Variants in CCL28 observed in about 807,000 individuals in gnomAD.
The protein encoded by CCL28 is C-C motif chemokine ligand 28.
Under a neutral mutation model 7.1 loss-of-function variants are expected in CCL28, and 4 were observed. That is an observed-to-expected ratio of 0.56 (90% CI 0.28 to 1.29). The LOEUF is 1.29. Ranked by LOEUF, CCL28 falls within the 50% of genes most tolerant of loss-of-function variation. The pLI, the probability that CCL28 is intolerant of heterozygous loss-of-function variation, is 0.11. For synonymous variants in CCL28, 55 were observed against 57.8 expected, an observed-to-expected ratio of 0.95 and a Z score of 0.22; for missense variants, 151 against 163.4, an observed-to-expected ratio of 0.92 and a Z score of 0.41.
the CCL28 span, among the ~76,000 whole-genome samples, chr5:43,370,573 C>G: frequency 6.6e-6 from 1 of 152,090 alleles, no homozygotes; most frequent in Non-Finnish European, 1.5e-5. Context: ...TCAAATGGAT[C>G]AGGATCTCCC....
At chr5:43,396,169 C>T (rs1740793461) in intron 1 of CCL28, among the ~76,000 whole-genome samples, 1 of 152,126 alleles carries the variant, frequency 6.6e-6, no homozygotes, top group African/African-American at 2.4e-5. Context: ...TGCGTCCAGC[C>T]CATGCCTCCC....
intron 1 of CCL28, among the ~76,000 whole-genome samples, chr5:43,408,787 T>G (rs563774497): frequency 3.3e-5 from 5 of 152,314 alleles, no homozygotes; most frequent in Admixed American, 2.0e-4. Flanking sequence ...TCTTTAAATT[T>G]TTATATTTGA....
At chr5:43,402,905 G>A (rs546255202) in intron 1 of CCL28, among the ~76,000 whole-genome samples, 7 of 152,316 alleles carry the variant, frequency 4.6e-5, no homozygotes, top group South Asian at 4.1e-4. Context: ...ACAGAGCCTC[G>A]CTCACTGCTA....
intron 1 of CCL28, among the ~76,000 whole-genome samples, chr5:43,394,212 CAT>C (rs1361182848): frequency 6.6e-6 from 1 of 152,204 alleles, no homozygotes; most frequent in African/African-American, 2.4e-5. Context: ...ATCAATTCCA[CAT>C]GTTTCAACTA....
the CCL28 span, among the ~76,000 whole-genome samples, chr5:43,371,415 G>T: frequency 1.3e-5 from 2 of 152,234 alleles, no homozygotes; most frequent in Non-Finnish European, 2.9e-5. Context: ...GATTTGGTCT[G>T]TATAACCTAC....
the CCL28 span, among the ~76,000 whole-genome samples, chr5:43,369,350 A>G: frequency 6.6e-6 from 1 of 152,128 alleles, no homozygotes. Flanking sequence ...AAACAAATTG[A>G]GAAAGTACAT....
At chr5:43,388,584 G>A in intron 1 of CCL28, 108 bp from the exon 2 acceptor site, 1 of 1,066,530 alleles carries the variant, frequency 9.4e-7, no homozygotes, top group Non-Finnish European at 1.3e-6. Flanking sequence ...CACAAACAAG[G>A]GGCAAACATG....
chr5:43,393,455 A>G lies in CCL28; in HGVS notation c.65-4979T>C, dbSNP rs1740667085. 1.3e-5 allele frequency among the ~76,000 whole-genome samples: 2 copies of G among 152,086 alleles called. 1 individual carries two copies. The highest frequency in any genetic ancestry group is 4.8e-5 in the African/African-American group (2 of 41,488). On this transcript the variant is annotated intron_variant, in intron 1 of 2. Transcript: ENST00000361115. ...CTGCAACCTCCACCTCCTGGGTTCA[A>G]GCGATTCTCCTGCCTCAGCCTCCCA...
chr5:43,377,717 C>CTTTTTT (rs767834184), downstream of CCL28, among the ~76,000 whole-genome samples: 4,054 of 42,656 alleles, frequency 0.095, 1,388 homozygotes, highest in African/African-American at 0.12. Flanking sequence ...AGAACTTAAA[C>CTTTTTT]TTTTTTTTTT....
intron 1 of CCL28, among the ~76,000 whole-genome samples, chr5:43,396,640 G>T (rs934190504): frequency 1.3e-5 from 2 of 152,088 alleles, no homozygotes; most frequent in African/African-American, 4.8e-5. Flanking sequence ...ATTATAATGG[G>T]TGGGGTACAG....
chr5:43,385,193 G>A (rs1271404300), intron 2 of CCL28, among the ~76,000 whole-genome samples: 1 of 152,128 alleles, frequency 6.6e-6, no homozygotes, highest in Non-Finnish European at 1.5e-5. Context: ...CACCGCGCCC[G>A]GCCATGATAA....
intron 1 of CCL28, among the ~76,000 whole-genome samples, chr5:43,393,721 T>C (rs1005596554): frequency 2.6e-5 from 4 of 152,228 alleles, no homozygotes; most frequent in African/African-American, 9.6e-5. Context: ...TACTTTTGGA[T>C]TGAGATAAAT....
chr5:43,371,508 CT>C, the CCL28 span, among the ~76,000 whole-genome samples: 2 of 152,212 alleles, frequency 1.3e-5, no homozygotes, highest in South Asian at 4.1e-4. Context: ...ATCACTTTCT[CT>C]GAGGGATTCA....
At chr5:43,376,069 T>G (rs920272182), downstream of CCL28, among the ~76,000 whole-genome samples, 1 of 152,204 alleles carries the variant, frequency 6.6e-6, no homozygotes, top group African/African-American at 2.4e-5. Context: ...ATTAAGTCAC[T>G]ATCACATGGA....
chr5:43,410,677 G>A (rs745514645), intron 1 of CCL28, among the ~76,000 whole-genome samples: 19 of 152,146 alleles, frequency 1.2e-4, no homozygotes, highest in Admixed American at 2.0e-4. Flanking sequence ...GAGAGCTGCC[G>A]CTGTGGGGAC....
intron 1 of CCL28, among the ~76,000 whole-genome samples, chr5:43,406,403 A>T (rs1189560859): frequency 7.9e-5 from 12 of 152,126 alleles, no homozygotes. Flanking sequence ...AAACCACATG[A>T]TTATCTCAAT....
chr5:43,400,537 C>CCT (rs35448641), intron 1 of CCL28, among the ~76,000 whole-genome samples: 17,884 of 152,042 alleles, frequency 0.12, 2,270 homozygotes, highest in African/African-American at 0.32. Flanking sequence ...TGAACAGCTT[C>CCT]CTCTTACTTG....
chr5:43,407,737 T>A (rs1384659269), intron 1 of CCL28, among the ~76,000 whole-genome samples: 1 of 152,132 alleles, frequency 6.6e-6, no homozygotes, highest in Non-Finnish European at 1.5e-5. Context: ...ATTTTTACAA[T>A]CTATCCATCT....
At chr5:43,359,325 G>C in the CCL28 span, among the ~76,000 whole-genome samples, 2 of 152,196 alleles carry the variant, frequency 1.3e-5, no homozygotes, top group South Asian at 2.1e-4. Flanking sequence ...ATAGATTATA[G>C]ATTAAATAAA....
Sources: gnomAD v4.1 joint callset for allele counts (sites outside exome capture counted in the v4.1 genomes callset) on GRCh38, gnomAD v4.1.1 for gene constraint, MANE v1.5 for transcripts, NCBI Gene and HGNC (gene_info 2026-07-23, HGNC 2026-07-21) for gene names.